KCNH3: variants seen among roughly 807,000 people sequenced by gnomAD.
The protein encoded by KCNH3 is voltage-gated inwardly rectifying potassium channel KCNH3.
KCNH3 carries 36 observed loss-of-function variants against 95.6 expected under a neutral mutation model. The ratio of observed to expected loss-of-function variants is 0.38; its 90% CI spans 0.29 to 0.50. KCNH3 has a LOEUF of 0.50. Among genes scored for constraint, KCNH3 ranks in the 20% least tolerant of loss-of-function variants. The probability of loss-of-function intolerance (pLI) is 0.95; values close to 1 mark genes in which losing one functional copy is unlikely to be tolerated. For missense variants in KCNH3, 1,030 were observed against 1,484.1 expected (o/e 0.69, Z 5.03); for synonymous variants, 620 against 646.3 (o/e 0.96, Z 0.62).
rs1289863141 is a variant in KCNH3 at position 49,541,842 on chromosome 12, C to CG, written c.445+83dup. 2.0e-6 allele frequency: 3 copies of CG among 1,520,556 alleles called. No individual in the cohort carries two copies. In the African/African-American group the frequency reaches 4.2e-5, roughly 21 times the overall value. The allele number at this position is 1,520,556 out of a possible 1,614,324, so 94.2% of individuals were successfully genotyped here. On this transcript the variant is annotated intron_variant, in intron 3 of 14. Coordinates refer to ENST00000257981, the MANE Select transcript of KCNH3 (RefSeq NM_012284.3). ...GGGGCCTTGGCACCCAGTCTGAGTA[C>CG]GGGGGTCCCCCATGCACCTGCATTC...
At chr12:49,551,119 C>G (rs569006606) in intron 10 of KCNH3, among the ~76,000 whole-genome samples, 2 of 152,180 alleles carry the variant, frequency 1.3e-5, no homozygotes, top group African/African-American at 4.8e-5. Context: ...ATCCACCTGG[C>G]GCCAAGTCTC....
chr12:49,542,576 A>G (rs1056729130), intron 3 of KCNH3, 130 bp from the exon 4 acceptor site: 11 of 1,128,288 alleles, frequency 9.7e-6, no homozygotes, highest in Middle Eastern at 3.0e-4. Context: ...TGAGCCCCCA[A>G]CTCTAAACAT....
chr12:49,555,284 CAAA>C (rs1157061451), intron 11 of KCNH3, among the ~76,000 whole-genome samples: 2 of 66,864 alleles, frequency 3.0e-5, no homozygotes, highest in Non-Finnish European at 3.0e-5. Context: ...ACTAAAAATA[CAAA>C]AAAAAAAAAA....
chr12:49,541,902 T>C, intron 3 of KCNH3, 138 bp downstream of exon 3: 1 of 846,482 alleles, frequency 1.2e-6, no homozygotes, highest in Non-Finnish European at 1.9e-6. Context: ...GAGAGGCCTG[T>C]GCTGCTCTCA....
In KCNH3 at chr12:49,557,231, C is replaced by A. The variant is rs539395230; in HGVS notation, c.2624C>A (p.Thr875Lys). ...VPHGPSEARN[T>K]DTLDKLRQAV... ...CATGGGCCCAGCGAGGCAAGGAACA[C>A]AGACACACTGGACAAGCTTCGGCAG... The change falls in exon 14 of 15, where the codon ACA (threonine) becomes AAA (lysine). Residue 875 changes from threonine to lysine, a missense_variant. By Grantham distance (78) the Thr-to-Lys change is moderately conservative. This residue lies in a region of KCNH3 where 464 missense variants were observed against 493.2 expected (regional missense o/e 0.94). Transcript: ENST00000257981. 3 of 1,613,986 alleles carry A rather than the reference C, an allele frequency of 1.9e-6. No homozygotes were observed. The highest frequency in any genetic ancestry group is 2.2e-5 in the South Asian group (2 of 91,072).
chr12:49,551,162 G>C (rs1938243240), intron 10 of KCNH3, among the ~76,000 whole-genome samples: 1 of 152,230 alleles, frequency 6.6e-6, no homozygotes, highest in African/African-American at 2.4e-5. Flanking sequence ...AGGTGCTCTG[G>C]GGGGAATTGG....
chr12:49,545,787 G>T (rs1938042352), intron 7 of KCNH3, among the ~76,000 whole-genome samples: 1 of 152,138 alleles, frequency 6.6e-6, no homozygotes, highest in African/African-American at 2.4e-5. Flanking sequence ...GAACTACAAG[G>T]CTCCTGTGAA....
chr12:49,554,598 G>A (rs764440233), intron 11 of KCNH3, 44 bp downstream of exon 11: 2 of 1,544,996 alleles, frequency 1.3e-6, no homozygotes, highest in Non-Finnish European at 1.8e-6. Context: ...GGGGTGCCAG[G>A]GAGCCTGGTG....
chr12:49,543,740 C>A (rs531439540), intron 5 of KCNH3, 175 bp from the exon 6 acceptor site: 63 of 1,041,874 alleles, frequency 6.0e-5, no homozygotes, highest in Non-Finnish European at 8.5e-5. Flanking sequence ...AAAATAGATT[C>A]CCCCTTTGTA....
chr12:49,556,762 T>A, intron 13 of KCNH3: 1 of 671,460 alleles, frequency 1.5e-6, no homozygotes, highest in Non-Finnish European at 2.7e-6. Context: ...TGTAAAAAAA[T>A]GGGTTGATGT....
intron 3 of KCNH3, 95 bp downstream of exon 3, chr12:49,541,859 C>T (rs1449150981): frequency 1.4e-5 from 19 of 1,360,960 alleles, no homozygotes; most frequent in Non-Finnish European, 1.9e-5. Context: ...CCCCCATGCA[C>T]CTGCATTCAT....
In KCNH3 at chr12:49,557,621, C is replaced by T; in HGVS notation, c.2920C>T (p.Pro974Ser). 6.2e-7 allele frequency: 1 copy of T among 1,613,488 alleles called. No individual in the cohort carries two copies. The highest frequency in any genetic ancestry group is 8.5e-7 in the Non-Finnish European group (1 of 1,179,918). ...PRPGPPPLMA[P>S]WPWGPPASQS... is the part of the protein sequence containing the mutation. ...TCCGGGGCCTCCTCCCCTCATGGCA[C>T]CCTGGCCCTGGGGTCCCCCAGCGTC... is the stretch of plus-strand genomic sequence containing the variant. The change falls in exon 15 of 15, where the codon CCC (proline) becomes TCC (serine). Residue 974 changes from proline to serine, a missense_variant. By Grantham distance (74) the Pro-to-Ser change is moderately conservative. This residue lies in a region of KCNH3 where 464 missense variants were observed against 493.2 expected (regional missense o/e 0.94). Transcript: ENST00000257981.
intron 2 of KCNH3, 97 bp from the exon 3 acceptor site, chr12:49,541,533 G>T: frequency 7.0e-7 from 1 of 1,433,644 alleles, no homozygotes; most frequent in Non-Finnish European, 9.6e-7. Context: ...GCTAGATCCT[G>T]CCTGTGTCTT....
At chr12:49,546,378 A>G (rs1938061446) in intron 7 of KCNH3, 1 of 151,768 alleles carries the variant, frequency 6.6e-6, no homozygotes, top group African/African-American at 2.4e-5. Flanking sequence ...CTGGGTTGGC[A>G]CCAAACCCAG....
rs764388725 is a variant in KCNH3, at chr12:49,539,443, G to A, written c.27G>A (p.Ala9=). The change falls in exon 1 of 15, where the codon GCG becomes GCA. Residue 9 remains alanine (A), a synonymous_variant. Transcript: ENST00000257981. The surrounding 1 kb of genome is among the most constrained non-coding windows in gnomAD (Gnocchi z 6.7). The part of the protein sequence containing the change: MPAMRGLL[A]PQNTFLDTIA... ...TGCCGGCCATGCGGGGCCTCCTGGCGCCGCAGAACACCTTCCTGGACACCA... is the reference window on the plus strand; with the variant it reads ...TGCCGGCCATGCGGGGCCTCCTGGCACCGCAGAACACCTTCCTGGACACCA... 3 of 1,568,450 alleles carry A rather than the reference G, an allele frequency of 1.9e-6. No homozygotes were observed. The highest frequency in any genetic ancestry group is 2.3e-5 in the South Asian group (2 of 86,430).
intron 11 of KCNH3, among the ~76,000 whole-genome samples, chr12:49,554,940 G>A (rs1163373380): frequency 6.6e-6 from 1 of 152,114 alleles, no homozygotes; most frequent in Non-Finnish European, 1.5e-5. Context: ...GTTTTTTCAT[G>A]GTGAAACAGG....
chr12:49,543,397 C>A lies in KCNH3; in HGVS notation c.702C>A (p.Ala234=), dbSNP rs755302942. 10 of 1,611,502 alleles carry A rather than the reference C, an allele frequency of 6.2e-6. No homozygotes were observed. Among genetic ancestry groups the A allele is most frequent in the Non-Finnish European group, 8.5e-6 (10 of 1,180,032 alleles). The change falls in exon 5 of 15, where the codon GCC becomes GCA. Residue 234 remains alanine (A), a synonymous_variant. Coordinates refer to ENST00000257981, the MANE Select transcript of KCNH3 (RefSeq NM_012284.3). ...RATWDGFILL[A]TLYVAVTVPY... ...CCTGGGATGGCTTCATCCTGCTCGC[C>A]ACACTCTATGTGGCTGTCACTGTGC...
chr12:49,557,479 G>T lies in KCNH3; in HGVS notation c.2778G>T (p.Pro926=). ...GCCCTCGGGCATCGGGAGAGGGGCC[G>T]TGCCCAGCCAGCACCTCCGGGCTTC... ...GPCPRASGEG[P]CPASTSGLLQ... The change falls in exon 15 of 15, where the codon CCG becomes CCT. Residue 926 remains proline, a synonymous_variant. Transcript: ENST00000257981. 6.2e-7 allele frequency: 1 copy of T among 1,611,230 alleles called. No individual in the cohort carries two copies. The highest frequency in any genetic ancestry group is 8.5e-7 in the Non-Finnish European group (1 of 1,179,560).
chr12:49,550,355 T>C, intron 10 of KCNH3, 26 bp downstream of exon 10: 1 of 1,578,816 alleles, frequency 6.3e-7, no homozygotes, highest in South Asian at 1.1e-5. Context: ...AGAGAGGGCG[T>C]GGGGGCACGT....
Sources: allele counts gnomAD v4.1 joint callset (sites outside exome capture counted in the v4.1 genomes callset), GRCh38; gene constraint gnomAD v4.1.1; regional missense constraint gnomAD v4.1.1; non-coding constraint Gnocchi (gnomAD v3.1); transcripts MANE v1.5; gene names NCBI Gene and HGNC (gene_info 2026-07-23, HGNC 2026-07-21).